Variants in GRID2IP observed in about 807,000 individuals in gnomAD.
The protein encoded by GRID2IP is Grid2 interacting protein, also known as delphilin.
GRID2IP carries 78 observed loss-of-function variants against 114.3 expected under a neutral mutation model. That is an observed-to-expected ratio of 0.68 (90% CI 0.57 to 0.82). The LOEUF is 0.82. GRID2IP is among the 40% of genes least tolerant of loss of function. The pLI is 0.00. For synonymous variants in GRID2IP, 809 were observed against 724.0 expected, an observed-to-expected ratio of 1.12 and a Z score of -1.89; for missense variants, 1,727 against 1,678.5, an observed-to-expected ratio of 1.03 and a Z score of -0.51.
At chr7:6,543,211 A>G (rs1379214735) in intron 1 of GRID2IP, among the ~76,000 whole-genome samples, 1 of 152,116 alleles carries the variant, frequency 6.6e-6, no homozygotes, top group Non-Finnish European at 1.5e-5. Flanking sequence ...CCTGGCCAAC[A>G]TGGTGAAACC....
rs1786672238 is a variant in GRID2IP at position 6,508,797 on chromosome 7, A to G, written c.2127+161T>C. Reference sequence around the variant, plus strand: ...ATAACCTTGAACAGGAGATAGGGTAACCTGGGGCAAGGGGTGGGATAGCTT... The same window carrying G: ...ATAACCTTGAACAGGAGATAGGGTAGCCTGGGGCAAGGGGTGGGATAGCTT... On this transcript the variant is annotated intron_variant, in intron 12 of 21. Coordinates refer to ENST00000457091, the MANE Select transcript of GRID2IP (RefSeq NM_001145118.2). The surrounding 1 kb of genome is among the most constrained non-coding windows in gnomAD (Gnocchi z 5.6). Among the ~76,000 whole-genome samples the G allele has an allele frequency of 6.6e-6, 1 of 151,994 alleles. No homozygotes were observed. The highest frequency in any genetic ancestry group is 1.5e-5 in the Non-Finnish European group (1 of 67,964).
At chr7:6,537,370 CTTTTTT>C (rs772469574) in intron 2 of GRID2IP, among the ~76,000 whole-genome samples, 17 of 58,376 alleles carry the variant, frequency 2.9e-4, no homozygotes, top group African/African-American at 1.0e-3. Context: ...ATGGTGAGAC[CTTTTTT>C]TTTTTTTTTT....
At chr7:6,505,357 CTTTT>C (rs11352946) in intron 14 of GRID2IP, among the ~76,000 whole-genome samples, 4 of 119,416 alleles carry the variant, frequency 3.3e-5, no homozygotes, top group Non-Finnish European at 1.7e-5. Context: ...TAAATGCCAG[CTTTT>C]TTTTTTTTTT....
chr7:6,503,236 T>TG, intron 16 of GRID2IP, 73 bp from the exon 17 acceptor site: 11 of 448,196 alleles, frequency 2.5e-5, no homozygotes, highest in Non-Finnish European at 3.7e-5. Flanking sequence ...GGCTTTGGGG[T>TG]GGGAGGGGGG....
chr7:6,547,190 A>AC, intron 1 of GRID2IP, among the ~76,000 whole-genome samples: 1 of 152,096 alleles, frequency 6.6e-6, no homozygotes, highest in African/African-American at 2.4e-5. Context: ...AAGTCTACTG[A>AC]CCCCCTAGAG....
rs1786290426 is a variant in GRID2IP at position 6,497,610 on chromosome 7, AGAG to A, written c.*161_*163del. The A allele has an allele frequency of 1.8e-6, 1 of 560,150 alleles. No individual in the cohort carries two copies. The highest frequency in any genetic ancestry group is 3.2e-6 in the Non-Finnish European group (1 of 317,400). 34.7% of individuals were successfully genotyped at this position (560,150 alleles called of 1,614,324 possible). ...CCTGGGGGTAGGAACAAGGGCTGGC[AGAG>A]GAGGGCCCGACCACAGCTCGGCGGC... On this transcript the variant is annotated 3_prime_UTR_variant, in exon 22 of 22. Coordinates refer to ENST00000457091, the MANE Select transcript of GRID2IP (RefSeq NM_001145118.2).
At chr7:6,530,887 C>A (rs1423715577) in intron 2 of GRID2IP, among the ~76,000 whole-genome samples, 1 of 152,270 alleles carries the variant, frequency 6.6e-6, no homozygotes, top group East Asian at 1.9e-4. Flanking sequence ...CCCCGGTACC[C>A]ACCGAGTTTA....
chr7:6,533,505 T>C (rs1387614223), intron 2 of GRID2IP, among the ~76,000 whole-genome samples: 1 of 151,824 alleles, frequency 6.6e-6, no homozygotes. Flanking sequence ...ACTACAGGCA[T>C]GTACCACTAT....
chr7:6,496,804 G>A lies in GRID2IP; in HGVS notation c.*970C>T, dbSNP rs1583328573. On this transcript the variant is annotated 3_prime_UTR_variant, in exon 22 of 22. Transcript: ENST00000457091. The stretch of plus-strand genomic sequence containing the variant: ...GTCTGATCCAAGGATCTGTCAATCA[G>A]AGAATTTTAAAAAAGGTGAAACAGT... Among the ~76,000 whole-genome samples, 1 of 149,670 alleles carries A rather than the reference G, an allele frequency of 6.7e-6. No homozygotes were observed. Among genetic ancestry groups the A allele is most frequent in the Non-Finnish European group, 1.5e-5 (1 of 67,706 alleles).
At position 6,509,231 on chromosome 7, in the gene GRID2IP, AC is replaced by A. The variant is rs1410303576; in HGVS notation, c.1853del (p.Gly618ValfsTer69). The A allele has an allele frequency of 8.0e-6, 12 of 1,504,882 alleles. No individual in the cohort carries two copies. The highest frequency in any genetic ancestry group is 4.4e-5 in the Admixed American group (2 of 45,956). 93.2% of individuals were successfully genotyped at this position (1,504,882 alleles called of 1,614,324 possible). A position where few individuals can be genotyped will look rare whatever the true frequency, so the allele number is the denominator to read the frequency against. ...SPCYHPLCSG[G>X]LASPSSSESH... The stretch of plus-strand genomic sequence containing the variant: ...ACTCAGAGCTGCTGGGGGAGGCCAG[AC>A]CCCCCGAACACAGCGGGTGGTAGCA... On this transcript the variant is annotated frameshift_variant, in exon 12 of 22. Transcript: ENST00000457091. LOFTEE classifies it high-confidence loss of function. This position sits in a 1 kb window ranked among gnomAD's most constrained non-coding sequence, Gnocchi z 4.9.
intron 1 of GRID2IP, among the ~76,000 whole-genome samples, chr7:6,549,866 A>T (rs893640903): frequency 1.3e-5 from 2 of 151,824 alleles, no homozygotes; most frequent in African/African-American, 4.8e-5. Flanking sequence ...CCTGAGTTCA[A>T]GTCATCAGCC....
rs1280078801 is a variant in GRID2IP, at chr7:6,504,814, G to A, written c.2689C>T (p.His897Tyr). The change falls in exon 15 of 22, where the codon CAT becomes TAT. Residue 897 changes from histidine (H) to tyrosine (Y), a missense_variant. By Grantham distance (83) the His-to-Tyr change is moderately conservative. Coordinates refer to ENST00000457091, the MANE Select transcript of GRID2IP (RefSeq NM_001145118.2). ...RKKEVVEILSHKKAYNTSILL... is the reference protein window; with the variant it reads ...RKKEVVEILSYKKAYNTSILL... Reference sequence around the variant, plus strand: ...TCACAGGTGTTGTAGGCCTTCTTATGGGACAGGATCTCCACCACCTCCTTC... The same window carrying A: ...TCACAGGTGTTGTAGGCCTTCTTATAGGACAGGATCTCCACCACCTCCTTC... The A allele has an allele frequency of 6.4e-7, 1 of 1,551,406 alleles. No homozygotes were observed. The highest frequency in any genetic ancestry group is 8.7e-7 in the Non-Finnish European group (1 of 1,146,792).
At chr7:6,533,524 A>G (rs1207142671) in intron 2 of GRID2IP, among the ~76,000 whole-genome samples, 1 of 151,418 alleles carries the variant, frequency 6.6e-6, no homozygotes, top group Non-Finnish European at 1.5e-5. Flanking sequence ...ATGCCTGGCT[A>G]ATTTTTTAAT....
Position 6,534,250 on chromosome 7 carries a change from T to C in GRID2IP, c.584+5468A>G, listed in dbSNP as rs1457261044. Among the ~76,000 whole-genome samples, 2 of 152,146 alleles carry C rather than the reference T, an allele frequency of 1.3e-5. No homozygotes were observed. The highest frequency in any genetic ancestry group is 2.9e-5 in the Non-Finnish European group (2 of 68,034). ...GGATTCCGAATCCCAGCTTCTACCA[T>C]GACCTGCCCCTGACCTGACACCCCG... On this transcript the variant is annotated intron_variant, in intron 2 of 21. Transcript: ENST00000457091. This position sits in a 1 kb window ranked among gnomAD's most constrained non-coding sequence, Gnocchi z 4.5.
At chr7:6,514,558 C>T (rs1478500792) in intron 7 of GRID2IP, 29 bp from the exon 8 acceptor site, 2 of 1,479,018 alleles carry the variant, frequency 1.4e-6, no homozygotes, top group Non-Finnish European at 1.8e-6. Context: ...ATGTGAGGCT[C>T]AATACTCACG....
intron 20 of GRID2IP, among the ~76,000 whole-genome samples, chr7:6,499,550 C>T (rs932343716): frequency 7.9e-5 from 12 of 152,176 alleles, no homozygotes; most frequent in Admixed American, 3.9e-4. Flanking sequence ...CCTGCCTCAG[C>T]CTTCTGAGTA....
chr7:6,505,866 C>T lies in GRID2IP; in HGVS notation c.2586G>A (p.Val862=). 6.4e-7 allele frequency: 1 copy of T among 1,552,130 alleles called. No homozygotes were observed. Among genetic ancestry groups the T allele is most frequent in the Non-Finnish European group, 8.7e-7 (1 of 1,147,046 alleles). The change falls in exon 14 of 22, where the codon GTG becomes GTA. Residue 862 remains valine, a synonymous_variant. Transcript: ENST00000457091. ...DSDYDKLSDM[V]KYLDLELHFG... ...AGTGGAGCTCCAGGTCGAGGTATTTCACCATGTCACTCAGCTTATCGTAGT... is the reference window on the plus strand; with the variant it reads ...AGTGGAGCTCCAGGTCGAGGTATTTTACCATGTCACTCAGCTTATCGTAGT...
chr7:6,543,724 C>G (rs1779846291), intron 1 of GRID2IP, among the ~76,000 whole-genome samples: 1 of 151,974 alleles, frequency 6.6e-6, no homozygotes, highest in South Asian at 2.1e-4. Flanking sequence ...ATCCTCCCAC[C>G]TCTGCCTTCC....
At position 6,539,735 on chromosome 7, in the gene GRID2IP, T is replaced by G. The variant is rs554941226; in HGVS notation, c.567A>C (p.Pro189=). The G allele has an allele frequency of 6.5e-5, 101 of 1,548,980 alleles. No individual in the cohort carries two copies. The highest frequency in any genetic ancestry group is 1.2e-4 in the Admixed American group (6 of 50,896). The part of the protein sequence containing the change: ...TLALPREACG[P]LLDNLRIFIP... ...CGCAGTACCTGAGGTTGTCCAGGAG[T>G]GGCCCGCAGGCCTCTCGGGGCAGCG... The change falls in exon 2 of 22, where the codon CCA becomes CCC. Residue 189 remains proline (P), a synonymous_variant. Transcript: ENST00000457091.
Sources: allele counts gnomAD v4.1 joint callset (sites outside exome capture counted in the v4.1 genomes callset), GRCh38; gene constraint gnomAD v4.1.1; non-coding constraint Gnocchi (gnomAD v3.1); transcripts MANE v1.5; gene names NCBI Gene and HGNC (gene_info 2026-07-23, HGNC 2026-07-21).